Variants in TMEM117 observed in about 807,000 individuals in gnomAD.
TMEM117 encodes the protein transmembrane protein 117.
A neutral mutation model predicts 52.4 loss-of-function variants in TMEM117; 27 were observed. The ratio of observed to expected loss-of-function variants is 0.51; its 90% CI spans 0.38 to 0.71. The LOEUF (loss-of-function observed/expected upper bound fraction) is 0.71. Ranked by LOEUF, TMEM117 falls within the 30% of genes least tolerant of loss-of-function variation. The pLI, the probability that TMEM117 is intolerant of heterozygous loss-of-function variation, is 0.00. For missense variants in TMEM117, 556 were observed against 630.5 expected (o/e 0.88, Z 1.26); for synonymous variants, 215 against 206.3 (o/e 1.04, Z -0.36).
intron 3 of TMEM117, among the ~76,000 whole-genome samples, chr12:44,029,140 CAAT>C (rs767940757): frequency 3.2e-4 from 49 of 152,130 alleles, no homozygotes; most frequent in Admixed American, 2.6e-4. Flanking sequence ...AGGCTTCTCT[CAAT>C]AAAAGGCAAG....
chr12:44,197,317 A>G (rs1483811768), intron 4 of TMEM117, among the ~76,000 whole-genome samples: 1 of 152,076 alleles, frequency 6.6e-6, no homozygotes, highest in Non-Finnish European at 1.5e-5. Context: ...ACATTTTCAG[A>G]GCCGTTATAT....
At chr12:44,272,860 C>A (rs1950463599) in intron 5 of TMEM117, among the ~76,000 whole-genome samples, 2 of 151,928 alleles carry the variant, frequency 1.3e-5, no homozygotes, top group Admixed American at 6.6e-5. Flanking sequence ...ACCCAGCCAT[C>A]CCATTACTGG....
intron 2 of TMEM117, among the ~76,000 whole-genome samples, chr12:43,865,476 C>A (rs771893341): frequency 1.3e-5 from 2 of 152,120 alleles, no homozygotes; most frequent in Non-Finnish European, 2.9e-5. Flanking sequence ...GTGGGTGGAT[C>A]ACTTGAGGTC....
At chr12:43,961,990 C>T (rs995299369) in intron 3 of TMEM117, among the ~76,000 whole-genome samples, 3 of 152,052 alleles carry the variant, frequency 2.0e-5, no homozygotes, top group African/African-American at 7.2e-5. Context: ...GTTATTAACT[C>T]CATAGTTATT....
At chr12:43,862,959 C>T (rs1943516063) in intron 2 of TMEM117, among the ~76,000 whole-genome samples, 1 of 151,968 alleles carries the variant, frequency 6.6e-6, no homozygotes, top group Non-Finnish European at 1.5e-5. Context: ...CTGCGAGACT[C>T]TGTCTCAAAC....
intron 4 of TMEM117, among the ~76,000 whole-genome samples, chr12:44,188,948 A>G (rs1353808157): frequency 6.6e-6 from 1 of 152,164 alleles, no homozygotes; most frequent in Non-Finnish European, 1.5e-5. Context: ...TACATAATAG[A>G]TGTACATATT....
intron 5 of TMEM117, among the ~76,000 whole-genome samples, chr12:44,260,879 T>G (rs1433194967): frequency 1.3e-5 from 2 of 152,162 alleles, no homozygotes; most frequent in Admixed American, 6.5e-5. Flanking sequence ...ACTCCACAAG[T>G]AAAAAGAGAG....
At chr12:44,175,685 G>A (rs1949107930) in intron 4 of TMEM117, among the ~76,000 whole-genome samples, 1 of 152,156 alleles carries the variant, frequency 6.6e-6, no homozygotes, top group Non-Finnish European at 1.5e-5. Context: ...ATTTATTTAT[G>A]TTTTTGTCAA....
At chr12:43,953,596 G>T (rs1475831999) in intron 3 of TMEM117, among the ~76,000 whole-genome samples, 1 of 152,132 alleles carries the variant, frequency 6.6e-6, no homozygotes, top group Non-Finnish European at 1.5e-5. Context: ...AACAAGAAGA[G>T]CTAACTATCC....
intron 3 of TMEM117, among the ~76,000 whole-genome samples, chr12:44,114,702 T>C (rs987677401): frequency 3.3e-5 from 5 of 152,182 alleles, no homozygotes; most frequent in Non-Finnish European, 4.4e-5. Flanking sequence ...GAAAAGAATC[T>C]CTCTGAGCAT....
intron 5 of TMEM117, among the ~76,000 whole-genome samples, chr12:44,229,837 T>C (rs905531717): frequency 6.6e-6 from 1 of 152,118 alleles, no homozygotes; most frequent in African/African-American, 2.4e-5. Flanking sequence ...TGGGGAAAAA[T>C]GTTTCTCTTT....
rs1179069601 is a variant in TMEM117 at position 44,361,089 on chromosome 12, A to AT, written c.769-15500dup. ...GGACTTAAAGTATTATAAGAAAGAC[A>AT]TTTTTTCACAGACTCTAAAAGACAA... On this transcript the variant is annotated intron_variant, in intron 6 of 7. Coordinates refer to ENST00000266534, the MANE Select transcript of TMEM117 (RefSeq NM_032256.3). 7.2e-5 allele frequency among the ~76,000 whole-genome samples: 11 copies of AT among 152,256 alleles called. 1 individual carries two copies. The South Asian group carries it at 1.5e-3, about 20-fold the overall frequency.
chr12:44,195,377 A>G (rs143358005), intron 4 of TMEM117, among the ~76,000 whole-genome samples: 2 of 152,154 alleles, frequency 1.3e-5, no homozygotes, highest in East Asian at 3.9e-4. Flanking sequence ...GCTGACTTCT[A>G]CTGCTTTTTA....
chr12:44,101,228 C>G (rs993183426), intron 3 of TMEM117, among the ~76,000 whole-genome samples: 4 of 151,214 alleles, frequency 2.6e-5, no homozygotes, highest in Non-Finnish European at 4.4e-5. Context: ...TGAACATACG[C>G]TTAATACATA....
At chr12:43,935,430 T>G (rs541337836) in intron 2 of TMEM117, among the ~76,000 whole-genome samples, 3 of 152,338 alleles carry the variant, frequency 2.0e-5, no homozygotes, top group Admixed American at 6.5e-5. Context: ...TTACATTTCT[T>G]GTCAAGTATT....
Position 44,114,213 on chromosome 12 carries a change from C to T in TMEM117, c.411-29312C>T, listed in dbSNP as rs151221244. Among the ~76,000 whole-genome samples the T allele has an allele frequency of 9.7e-4, 147 of 152,164 alleles. 3 individuals are homozygous for T. The East Asian group carries it at 0.012, about 12-fold the overall frequency. ...GCTGTAGACCGGAGCTGTTCCTATT[C>T]GGCCATCTTGGCTCCTCCTCCGTAC... On this transcript the variant is annotated intron_variant, in intron 3 of 7. Coordinates refer to ENST00000266534, the MANE Select transcript of TMEM117 (RefSeq NM_032256.3).
chr12:43,873,282 G>A (rs1943737015), intron 2 of TMEM117, among the ~76,000 whole-genome samples: 2 of 65,182 alleles, frequency 3.1e-5, no homozygotes, highest in Non-Finnish European at 1.0e-4. Context: ...GTATAATTAG[G>A]CAAACTTAAG....
At chr12:43,915,142 G>A (rs1944579776) in intron 2 of TMEM117, among the ~76,000 whole-genome samples, 1 of 152,182 alleles carries the variant, frequency 6.6e-6, no homozygotes, top group Admixed American at 6.5e-5. Flanking sequence ...CAGGCATACA[G>A]ACATCCAGGT....
chr12:44,182,591 A>G (rs1016964115), intron 4 of TMEM117, among the ~76,000 whole-genome samples: 5 of 152,242 alleles, frequency 3.3e-5, no homozygotes, highest in Admixed American at 6.5e-5. Flanking sequence ...CCCACAGCCA[A>G]TATCATACTG....
Sources: gnomAD v4.1 joint callset for allele counts (sites outside exome capture counted in the v4.1 genomes callset) on GRCh38, gnomAD v4.1.1 for gene constraint, MANE v1.5 for transcripts, NCBI Gene and HGNC (gene_info 2026-07-23, HGNC 2026-07-21) for gene names.